Variants in TAFA5 observed in about 807,000 individuals in gnomAD.
The protein encoded by TAFA5 is TAFA chemokine like family member 5.
In TAFA5, 6 loss-of-function variants were observed where a neutral mutation model predicts 15.3. The observed-to-expected ratio is 0.39, with a 90% CI of 0.21 to 0.77. TAFA5 has a LOEUF of 0.77. TAFA5 is among the 30% of genes least tolerant of loss of function. The pLI, the probability that TAFA5 is intolerant of heterozygous loss-of-function variation, is 0.41. For missense variants in TAFA5, 161 were observed against 193.1 expected (o/e 0.83, Z 0.98); for synonymous variants, 103 against 80.7 (o/e 1.28, Z -1.48).
chr22:48,704,085 A>G (rs2147248489), intron 2 of TAFA5, among the ~76,000 whole-genome samples: 1 of 152,268 alleles, frequency 6.6e-6, no homozygotes, highest in South Asian at 2.1e-4. Context: ...CTTGGGCGCC[A>G]TGGTACGGGG....
intron 1 of TAFA5, among the ~76,000 whole-genome samples, chr22:48,551,194 G>A (rs1922843276): frequency 6.6e-6 from 1 of 152,048 alleles, no homozygotes; most frequent in Admixed American, 6.5e-5. Context: ...CCTCAGCCTG[G>A]GCTCCCAGGG....
At chr22:48,747,738 A>G (rs1381321854) in intron 3 of TAFA5, among the ~76,000 whole-genome samples, 1 of 152,024 alleles carries the variant, frequency 6.6e-6, no homozygotes, top group Non-Finnish European at 1.5e-5. Context: ...CTCTACTAAA[A>G]ATATAAAAAT....
At chr22:48,691,457 T>A (rs1053831661) in intron 2 of TAFA5, among the ~76,000 whole-genome samples, 4 of 152,230 alleles carry the variant, frequency 2.6e-5, no homozygotes, top group African/African-American at 9.6e-5. Context: ...AGGGTCGCCT[T>A]GTGTCGGGCA....
intron 3 of TAFA5, among the ~76,000 whole-genome samples, chr22:48,708,680 C>T (rs13054830): frequency 0.31 from 46,787 of 152,152 alleles, 7,511 homozygotes; most frequent in East Asian, 0.53. Context: ...AAGCTGAGGA[C>T]GTGAGTGGGT....
chr22:48,611,417 T>G (rs1304568577), intron 1 of TAFA5, among the ~76,000 whole-genome samples: 1 of 152,222 alleles, frequency 6.6e-6, no homozygotes, highest in Non-Finnish European at 1.5e-5. Flanking sequence ...CTGCGGCATG[T>G]CAGCCCGGAT....
At chr22:48,628,317 G>T (rs1926095174) in intron 1 of TAFA5, among the ~76,000 whole-genome samples, 2 of 152,194 alleles carry the variant, frequency 1.3e-5, no homozygotes, top group African/African-American at 2.4e-5. Flanking sequence ...CCCTGCCTTG[G>T]CACACCCTCC....
At chr22:48,592,089 C>T (rs1173134451) in intron 1 of TAFA5, among the ~76,000 whole-genome samples, 1 of 152,152 alleles carries the variant, frequency 6.6e-6, no homozygotes, top group Non-Finnish European at 1.5e-5. Flanking sequence ...GCTGGTGGGG[C>T]CAGCCTTGGT....
chr22:48,729,918 C>G (rs1228871878), intron 3 of TAFA5, among the ~76,000 whole-genome samples: 1 of 152,086 alleles, frequency 6.6e-6, no homozygotes, highest in Non-Finnish European at 1.5e-5. Flanking sequence ...GCAATTCCTT[C>G]AGCAAGCAGC....
intron 3 of TAFA5, among the ~76,000 whole-genome samples, chr22:48,709,781 C>G (rs190940293): frequency 7.9e-5 from 12 of 152,336 alleles, no homozygotes; most frequent in African/African-American, 2.6e-4. Flanking sequence ...CCTGTGAGAG[C>G]TGGCGGTGGA....
chr22:48,584,286 A>C (rs1313740699), intron 1 of TAFA5, among the ~76,000 whole-genome samples: 1 of 147,124 alleles, frequency 6.8e-6, no homozygotes, highest in Non-Finnish European at 1.5e-5. Flanking sequence ...CACACACACC[A>C]CACACAGCAG....
At chr22:48,519,664 G>A (rs1336383990) in intron 1 of TAFA5, among the ~76,000 whole-genome samples, 2 of 152,324 alleles carry the variant, frequency 1.3e-5, no homozygotes, top group East Asian at 3.9e-4. Flanking sequence ...AACTGGGGGC[G>A]GTGGCGGGCA....
chr22:48,707,795 G>C lies in TAFA5; in HGVS notation c.341G>C (p.Arg114Pro). ...EGEGCDLLIN[R>P]SGWTCTQPGG... is the part of the protein sequence containing the mutation. ...GAAGGCTGCGACTTGTTAATCAACC[G>C]GTCAGGCTGGACGTGCACGCAGCCC... The change falls in exon 3 of 4, where the codon CGG becomes CCG. Residue 114 changes from arginine (R) to proline (P), a missense_variant. By Grantham distance (103) the Arg-to-Pro change is moderately radical. Transcript: ENST00000402357. The C allele has an allele frequency of 6.2e-7, 1 of 1,613,838 alleles. No individual in the cohort carries two copies. Among genetic ancestry groups the C allele is most frequent in the Non-Finnish European group, 8.5e-7 (1 of 1,179,866 alleles).
chr22:48,707,884 G>C (rs1286825278), intron 3 of TAFA5, 40 bp downstream of exon 3: 2 of 1,597,732 alleles, frequency 1.3e-6, no homozygotes, highest in Non-Finnish European at 8.5e-7. Context: ...TGCTGGGGAG[G>C]GGGTATGTGT....
intron 1 of TAFA5, among the ~76,000 whole-genome samples, chr22:48,602,569 C>T (rs1480660548): frequency 6.6e-6 from 1 of 152,306 alleles, no homozygotes; most frequent in East Asian, 1.9e-4. Context: ...ATGTTTGTGT[C>T]CTTGCTGTGG....
intron 1 of TAFA5, among the ~76,000 whole-genome samples, chr22:48,614,005 C>T (rs1428738113): frequency 2.0e-5 from 3 of 152,322 alleles, no homozygotes; most frequent in East Asian, 1.9e-4. Context: ...CAAAGCCGCT[C>T]GCGAGCATGT....
At chr22:48,704,113 G>A (rs977239767) in intron 2 of TAFA5, among the ~76,000 whole-genome samples, 2 of 152,076 alleles carry the variant, frequency 1.3e-5, no homozygotes, top group Non-Finnish European at 2.9e-5. Flanking sequence ...GAGCCCACGT[G>A]GGGATTTCTT....
At chr22:48,733,406 T>C (rs146724335) in intron 3 of TAFA5, among the ~76,000 whole-genome samples, 147 of 152,340 alleles carry the variant, frequency 9.6e-4, no homozygotes, top group African/African-American at 3.3e-3. Context: ...AGTTGCCCTA[T>C]GTCTTTTCAA....
chr22:48,598,645 C>G lies in TAFA5; in HGVS notation c.113-47952C>G, dbSNP rs1358884197. On this transcript the variant is annotated intron_variant, in intron 1 of 3. Coordinates refer to ENST00000402357, the MANE Select transcript of TAFA5 (RefSeq NM_001082967.3). The surrounding 1 kb of genome is among the most constrained non-coding windows in gnomAD (Gnocchi z 4.0). Reference sequence around the variant, plus strand: ...CAAATGTGTCAGTTTTTCACACCAACAAGTTCTCCAACTTTCCAGACACCA... The same window carrying G: ...CAAATGTGTCAGTTTTTCACACCAAGAAGTTCTCCAACTTTCCAGACACCA... Among the ~76,000 whole-genome samples, 1 of 152,182 alleles carries G rather than the reference C, an allele frequency of 6.6e-6. No homozygotes were observed. Among genetic ancestry groups the G allele is most frequent in the Non-Finnish European group, 1.5e-5 (1 of 68,020 alleles).
intron 1 of TAFA5, among the ~76,000 whole-genome samples, chr22:48,618,204 C>G (rs28687473): frequency 0.015 from 2,219 of 152,210 alleles, 56 homozygotes; most frequent in African/African-American, 0.05. Flanking sequence ...GGAGTTGGGG[C>G]TCTGGAAGTC....
Sources: allele counts gnomAD v4.1 joint callset (sites outside exome capture counted in the v4.1 genomes callset), GRCh38; gene constraint gnomAD v4.1.1; non-coding constraint Gnocchi (gnomAD v3.1); transcripts MANE v1.5; gene names NCBI Gene and HGNC (gene_info 2026-07-23, HGNC 2026-07-21).